BABAM2: variants seen among roughly 807,000 people sequenced by gnomAD.
The protein encoded by BABAM2 is BRISC and BRCA1 A complex member 2.
In BABAM2, 31 loss-of-function variants were observed where a neutral mutation model predicts 54.7. The ratio of observed to expected loss-of-function variants is 0.57; its 90% CI spans 0.43 to 0.77. The LOEUF is 0.77. Among genes scored for constraint, BABAM2 ranks in the 30% least tolerant of loss-of-function variants. The probability of loss-of-function intolerance (pLI) is 0.00; values close to 1 mark genes in which losing one functional copy is unlikely to be tolerated. For synonymous variants in BABAM2, 167 were observed against 162.9 expected (o/e 1.03, Z -0.19); for missense variants, 364 against 455.8 (o/e 0.80, Z 1.83).
At chr2:28,115,132 C>T (rs925317716) in intron 6 of BABAM2, among the ~76,000 whole-genome samples, 3 of 151,100 alleles carry the variant, frequency 2.0e-5, no homozygotes, top group Non-Finnish European at 2.9e-5. Flanking sequence ...AGTCATTGCT[C>T]TTAAGGAACC....
At chr2:28,183,757 A>ACACACG (rs1249406911) in intron 7 of BABAM2, among the ~76,000 whole-genome samples, 2 of 151,922 alleles carry the variant, frequency 1.3e-5, no homozygotes, top group Non-Finnish European at 2.9e-5. Context: ...ACACACACAC[A>ACACACG]CACACACACA....
chr2:27,927,016 A>G (rs574932751), intron 2 of BABAM2, among the ~76,000 whole-genome samples: 142 of 152,318 alleles, frequency 9.3e-4, no homozygotes, highest in African/African-American at 3.3e-3. Context: ...ACAGTGGTAT[A>G]GTACACCAGA....
At chr2:27,892,476 T>G (rs1048847576) in intron 1 of BABAM2, 1 of 152,174 alleles carries the variant, frequency 6.6e-6, no homozygotes, top group African/African-American at 2.4e-5. Context: ...TTTTATAAGA[T>G]AGGTATATTT....
intron 2 of BABAM2, 25 bp from the exon 3 acceptor site, chr2:27,929,807 T>A: frequency 6.2e-7 from 1 of 1,602,504 alleles, no homozygotes; most frequent in Non-Finnish European, 8.5e-7. Context: ...ATCTTTTCTT[T>A]CTTCTGTTTC....
intron 10 of BABAM2, among the ~76,000 whole-genome samples, chr2:28,259,628 T>C (rs560306716): frequency 6.6e-5 from 10 of 152,230 alleles, no homozygotes; most frequent in Non-Finnish European, 1.5e-4. Context: ...TTATGAGCCA[T>C]GCTTTTTATG....
chr2:28,186,514 C>G (rs1294254916), intron 7 of BABAM2, among the ~76,000 whole-genome samples: 1 of 151,982 alleles, frequency 6.6e-6, no homozygotes, highest in Non-Finnish European at 1.5e-5. Flanking sequence ...CCCTATAATC[C>G]CAGCACTTTG....
intron 2 of BABAM2, among the ~76,000 whole-genome samples, chr2:27,918,787 C>G (rs1667159882): frequency 6.6e-6 from 1 of 152,082 alleles, no homozygotes; most frequent in African/African-American, 2.4e-5. Flanking sequence ...CTCCCTGGCT[C>G]AGGCGATCCT....
chr2:28,038,681 G>A (rs947444705), intron 5 of BABAM2, among the ~76,000 whole-genome samples: 3 of 152,118 alleles, frequency 2.0e-5, no homozygotes, highest in Non-Finnish European at 4.4e-5. Flanking sequence ...ATGACCTCCA[G>A]CTATATCCAT....
At chr2:28,274,491 G>A (rs1202145462) in intron 10 of BABAM2, among the ~76,000 whole-genome samples, 6 of 152,038 alleles carry the variant, frequency 3.9e-5, no homozygotes, top group Admixed American at 2.6e-4. Context: ...GCAGTGGTGC[G>A]ATCTTGGCTC....
At chr2:28,334,763 T>G (rs1157160779) in intron 11 of BABAM2, among the ~76,000 whole-genome samples, 1 of 152,180 alleles carries the variant, frequency 6.6e-6, no homozygotes, top group Non-Finnish European at 1.5e-5. Flanking sequence ...GACTGTCTCC[T>G]CCCACACACT....
chr2:27,990,858 G>GA (rs148906558), intron 4 of BABAM2, among the ~76,000 whole-genome samples: 138 of 149,548 alleles, frequency 9.2e-4, no homozygotes, highest in African/African-American at 2.4e-3. Context: ...CGTTTCTGGG[G>GA]AAAAAAAAAG....
rs532392310 is a variant in BABAM2, at chr2:27,903,777, G to C, written c.128+9093G>C. Among the ~76,000 whole-genome samples the C allele has an allele frequency of 9.0e-4, 137 of 152,302 alleles. 1 individual carries two copies. Among genetic ancestry groups the C allele is most frequent in the Non-Finnish European group, 1.6e-3 (106 of 68,020 alleles). On this transcript the variant is annotated intron_variant, in intron 2 of 11. Transcript: ENST00000379624. ...CAATTTGAGGTGCAAAGCAAAACTA[G>C]CACAAATTTCTTTTTCCTTCTTCAC... is the stretch of plus-strand genomic sequence containing the variant.
intron 2 of BABAM2, among the ~76,000 whole-genome samples, chr2:27,916,696 A>G (rs546256928): frequency 6.6e-5 from 10 of 152,198 alleles, no homozygotes; most frequent in Non-Finnish European, 1.5e-4. Flanking sequence ...ACAATTGCCC[A>G]TAACTATTTC....
chr2:28,134,827 C>T (rs943029475), intron 7 of BABAM2, among the ~76,000 whole-genome samples: 6 of 152,112 alleles, frequency 3.9e-5, no homozygotes, highest in African/African-American at 1.4e-4. Context: ...TGGCTCATCT[C>T]CTTAATTTCC....
intron 3 of BABAM2, among the ~76,000 whole-genome samples, chr2:27,973,987 T>A (rs566363193): frequency 2.0e-5 from 3 of 152,258 alleles, no homozygotes; most frequent in South Asian, 4.1e-4. Context: ...CTATCAAGAT[T>A]CACTCAGAAA....
intron 10 of BABAM2, among the ~76,000 whole-genome samples, chr2:28,251,327 G>A (rs1479750805): frequency 6.6e-6 from 1 of 151,872 alleles, no homozygotes; most frequent in Non-Finnish European, 1.5e-5. Flanking sequence ...TTCCTTATAG[G>A]CCTGTAATCA....
chr2:28,011,785 A>G (rs1674418857), intron 4 of BABAM2, among the ~76,000 whole-genome samples: 1 of 151,954 alleles, frequency 6.6e-6, no homozygotes, highest in Non-Finnish European at 1.5e-5. Context: ...CATAGTCAGA[A>G]GGAAATCAGA....
At chr2:27,949,301 G>A (rs1669531386) in intron 3 of BABAM2, among the ~76,000 whole-genome samples, 2 of 152,210 alleles carry the variant, frequency 1.3e-5, no homozygotes. Flanking sequence ...GGGAGGCCGA[G>A]ACAGGCGGAT....
chr2:28,268,590 T>C (rs186893194), intron 10 of BABAM2, among the ~76,000 whole-genome samples: 25 of 152,328 alleles, frequency 1.6e-4, no homozygotes, highest in Non-Finnish European at 2.9e-4. Flanking sequence ...GATAAGTCTT[T>C]ATTAGTTCTA....
Sources: gnomAD v4.1 joint callset for allele counts (sites outside exome capture counted in the v4.1 genomes callset) on GRCh38, gnomAD v4.1.1 for gene constraint, MANE v1.5 for transcripts, NCBI Gene and HGNC (gene_info 2026-07-23, HGNC 2026-07-21) for gene names.